Variants in ITSN1 observed in about 807,000 individuals in gnomAD.
ITSN1 encodes intersectin 1.
In ITSN1, 58 loss-of-function variants were observed where a neutral mutation model predicts 239.8. The observed-to-expected ratio is 0.24, with a 90% CI of 0.20 to 0.30. ITSN1 has a LOEUF of 0.30. Among genes scored for constraint, ITSN1 ranks in the 10% least tolerant of loss-of-function variants. ITSN1 has a pLI of 1.00. For missense variants in ITSN1, 1,558 were observed against 2,103.3 expected (o/e 0.74, Z 5.07); for synonymous variants, 780 against 770.8 (o/e 1.01, Z -0.20).
At chr21:33,803,865 A>G (rs897290414) in intron 20 of ITSN1, among the ~76,000 whole-genome samples, 3 of 152,200 alleles carry the variant, frequency 2.0e-5, no homozygotes, top group Non-Finnish European at 2.9e-5. Flanking sequence ...TACTAGGCAT[A>G]ATTCGTTGGC....
intron 11 of ITSN1, among the ~76,000 whole-genome samples, chr21:33,769,428 G>A (rs2068953338): frequency 6.6e-6 from 1 of 152,174 alleles, no homozygotes; most frequent in African/African-American, 2.4e-5. Context: ...AATACAAAAT[G>A]TACAGTTCAG....
chr21:33,748,059 A>G (rs1468786094), intron 5 of ITSN1, among the ~76,000 whole-genome samples: 1 of 152,236 alleles, frequency 6.6e-6, no homozygotes, highest in African/African-American at 2.4e-5. Context: ...GTAATAGCAC[A>G]GAAGAGGAGA....
intron 1 of ITSN1, among the ~76,000 whole-genome samples, chr21:33,650,143 G>A (rs372264712): frequency 1.0e-3 from 156 of 152,248 alleles, no homozygotes; most frequent in African/African-American, 3.5e-3. Context: ...AATACAGGAG[G>A]ACAATGCTCT....
At chr21:33,750,443 ATATCTT>A (rs1169504512) in intron 6 of ITSN1, 121 bp downstream of exon 6, 1 of 909,586 alleles carries the variant, frequency 1.1e-6, no homozygotes, top group African/African-American at 1.7e-5. Context: ...CCAGAGGAAA[ATATCTT>A]TATTTTTTTC....
intron 1 of ITSN1, among the ~76,000 whole-genome samples, chr21:33,697,879 A>G (rs2091865501): frequency 6.6e-6 from 1 of 152,146 alleles, no homozygotes; most frequent in African/African-American, 2.4e-5. Flanking sequence ...CTACAATCTG[A>G]TTTTTCCAAA....
At chr21:33,840,514 C>T (rs895547165) in intron 29 of ITSN1, among the ~76,000 whole-genome samples, 2 of 152,100 alleles carry the variant, frequency 1.3e-5, no homozygotes, top group South Asian at 2.1e-4. Flanking sequence ...CAGGCATGCA[C>T]GTGGGTCTGG....
At chr21:33,745,026 T>C (rs1268033225) in intron 5 of ITSN1, among the ~76,000 whole-genome samples, 1 of 152,186 alleles carries the variant, frequency 6.6e-6, no homozygotes, top group Admixed American at 6.5e-5. Context: ...AGCTAATAAA[T>C]GACAAAGACA....
At chr21:33,689,979 A>AG (rs2091432261) in intron 1 of ITSN1, among the ~76,000 whole-genome samples, 1 of 150,772 alleles carries the variant, frequency 6.6e-6, no homozygotes, top group Non-Finnish European at 1.5e-5. Context: ...AAAAAAAAAA[A>AG]AAATAATTAA....
At chr21:33,782,934 A>T (rs2070322580) in intron 16 of ITSN1, among the ~76,000 whole-genome samples, 1 of 152,168 alleles carries the variant, frequency 6.6e-6, no homozygotes, top group Admixed American at 6.5e-5. Flanking sequence ...CTGAGGCAGG[A>T]GAATGATGTG....
In ITSN1 at chr21:33,836,571, A is replaced by G. The variant is rs2074615391; in HGVS notation, c.3600A>G (p.Gln1200=). 1 of 1,614,060 alleles carries G rather than the reference A, an allele frequency of 6.2e-7. No individual in the cohort carries two copies. Among genetic ancestry groups the G allele is most frequent in the Non-Finnish European group, 8.5e-7 (1 of 1,180,014 alleles). The change falls in exon 29 of 40, where the codon CAA becomes CAG. Residue 1200 remains glutamine, a synonymous_variant. Coordinates refer to ENST00000381318, the MANE Select transcript of ITSN1 (RefSeq NM_003024.3). ...GGTGGAAAGGAGAAGTCAATGGACAAGTGGGGCTCTTCCCATCCAATTATG... is the reference window on the plus strand; with the variant it reads ...GGTGGAAAGGAGAAGTCAATGGACAGGTGGGGCTCTTCCCATCCAATTATG... ...PDWWKGEVNG[Q]VGLFPSNYVK... is the part of the protein sequence containing the mutation.
At chr21:33,851,364 C>T (rs1978307910) in intron 29 of ITSN1, among the ~76,000 whole-genome samples, 1 of 152,084 alleles carries the variant, frequency 6.6e-6, no homozygotes, top group African/African-American at 2.4e-5. Context: ...CTGTCTCCAC[C>T]ATCAGCACAG....
chr21:33,716,601 A>G (rs897247310), intron 1 of ITSN1: 3 of 152,192 alleles, frequency 2.0e-5, no homozygotes, highest in African/African-American at 4.8e-5. Context: ...CCATCAGTCA[A>G]CAAGCTTGCC....
At chr21:33,668,162 A>G (rs916262874) in intron 1 of ITSN1, among the ~76,000 whole-genome samples, 1 of 152,224 alleles carries the variant, frequency 6.6e-6, no homozygotes, top group Non-Finnish European at 1.5e-5. Flanking sequence ...ACTTGAGTCT[A>G]GCACTTACTG....
rs200070414 is a variant in ITSN1, at chr21:33,708,304, C to CT, written c.-32-10487dup. Among the ~76,000 whole-genome samples, 3 of 151,026 alleles carry CT rather than the reference C, an allele frequency of 2.0e-5. No homozygotes were observed. The East Asian group carries it at 5.8e-4, about 29-fold the overall frequency. ...AAGTAAGTGTTTTCTTTGTGGTTTG[C>CT]TTTTTTGTTTTCATAAGGGTTATCT... On this transcript the variant is annotated intron_variant, in intron 1 of 39. Transcript: ENST00000381318.
intron 29 of ITSN1, among the ~76,000 whole-genome samples, chr21:33,841,804 A>T (rs910282959): frequency 2.6e-5 from 4 of 152,206 alleles, no homozygotes; most frequent in Non-Finnish European, 4.4e-5. Flanking sequence ...GGTCCCAAAA[A>T]TGCAAGGAAA....
intron 2 of ITSN1, 88 bp from the exon 3 acceptor site, chr21:33,721,090 T>C (rs2065456320): frequency 2.4e-6 from 2 of 818,798 alleles, no homozygotes; most frequent in South Asian, 1.4e-5. Flanking sequence ...ATTGACAGAA[T>C]CTTGAAGTGC....
chr21:33,834,558 A>G, intron 28 of ITSN1, 134 bp downstream of exon 28: 1 of 673,864 alleles, frequency 1.5e-6, no homozygotes, highest in Non-Finnish European at 2.7e-6. Context: ...GCTGGGACTG[A>G]CACCCAACTA....
chr21:33,710,466 G>A (rs1029636889), intron 1 of ITSN1, among the ~76,000 whole-genome samples: 1 of 151,912 alleles, frequency 6.6e-6, no homozygotes, highest in African/African-American at 2.4e-5. Flanking sequence ...GCTTTATTCT[G>A]CTAATATAGT....
intron 29 of ITSN1, among the ~76,000 whole-genome samples, chr21:33,851,430 G>A (rs374714905): frequency 4.6e-5 from 7 of 150,674 alleles, no homozygotes; most frequent in East Asian, 1.9e-4. Flanking sequence ...ACAGAGTCTC[G>A]CTCTGTCACC....
Sources: gnomAD v4.1 joint callset for allele counts (sites outside exome capture counted in the v4.1 genomes callset) on GRCh38, gnomAD v4.1.1 for gene constraint, MANE v1.5 for transcripts, NCBI Gene and HGNC (gene_info 2026-07-23, HGNC 2026-07-21) for gene names.